Variants in MYO16 observed in about 807,000 individuals in gnomAD.
The protein encoded by MYO16 is unconventional myosin-XVI.
MYO16 carries 94 observed loss-of-function variants against 205.3 expected under a neutral mutation model. The ratio of observed to expected loss-of-function variants is 0.46; its 90% CI spans 0.39 to 0.54. The LOEUF (loss-of-function observed/expected upper bound fraction) is 0.54. MYO16 is among the 20% of genes least tolerant of loss of function. MYO16 has a pLI of 0.00. For synonymous variants in MYO16, 988 were observed against 954.0 expected (o/e 1.04, Z -0.66); for missense variants, 2,315 against 2,387.5 (o/e 0.97, Z 0.63).
intron 23 of MYO16, among the ~76,000 whole-genome samples, chr13:109,026,451 G>A (rs919385934): frequency 4.6e-5 from 7 of 152,104 alleles, no homozygotes; most frequent in South Asian, 2.1e-4. Flanking sequence ...GGATCCACCC[G>A]TTGAGCCTGG....
chr13:108,600,424 G>T (rs1353688746), intron 1 of MYO16, among the ~76,000 whole-genome samples: 1 of 152,164 alleles, frequency 6.6e-6, no homozygotes, highest in African/African-American at 2.4e-5. Context: ...ATAGTGTCCA[G>T]TACCTTGTGA....
At chr13:109,161,063 A>G (rs1878357619) in intron 32 of MYO16, among the ~76,000 whole-genome samples, 1 of 152,184 alleles carries the variant, frequency 6.6e-6, no homozygotes, top group Admixed American at 6.5e-5. Context: ...ACGTGTTTGG[A>G]TCTAACTGGG....
At chr13:108,606,684 G>C (rs1000225842) in intron 1 of MYO16, among the ~76,000 whole-genome samples, 1 of 152,148 alleles carries the variant, frequency 6.6e-6, no homozygotes, top group Non-Finnish European at 1.5e-5. Context: ...TATGGGGTTG[G>C]AGTCCCCACA....
chr13:108,786,490 T>C (rs1349797643), intron 5 of MYO16, among the ~76,000 whole-genome samples: 2 of 152,156 alleles, frequency 1.3e-5, no homozygotes, highest in Non-Finnish European at 2.9e-5. Flanking sequence ...AAAATGACCC[T>C]TGGCCAGAGA....
In MYO16 at chr13:108,726,515, C is replaced by T. The variant is rs534604428; in HGVS notation, c.364-925C>T. Among the ~76,000 whole-genome samples, 115 of 150,400 alleles carry T rather than the reference C, an allele frequency of 7.6e-4. 1 individual carries two copies. The highest frequency in any genetic ancestry group is 2.5e-3 in the African/African-American group (102 of 40,788). On this transcript the variant is annotated intron_variant, in intron 3 of 34. Coordinates refer to ENST00000457511, the MANE Select transcript of MYO16 (RefSeq NM_001198950.3). The stretch of plus-strand genomic sequence containing the variant: ...TGGAGGTTGCAGTGAGCTGAGATCG[C>T]GCCACTGCACTCCATTCTGGTGACA...
chr13:109,093,155 T>A (rs529588678), intron 27 of MYO16, among the ~76,000 whole-genome samples: 1 of 152,340 alleles, frequency 6.6e-6, no homozygotes, highest in East Asian at 1.9e-4. Context: ...ATGATAGAAC[T>A]TTTTTGAAAC....
chr13:109,169,142 A>T (rs1254344765), intron 33 of MYO16, among the ~76,000 whole-genome samples: 4 of 152,154 alleles, frequency 2.6e-5, no homozygotes, highest in Non-Finnish European at 4.4e-5. Context: ...TCTGTGTCTT[A>T]GTTATTTCAC....
At chr13:108,681,974 T>C (rs1356348065) in intron 2 of MYO16, among the ~76,000 whole-genome samples, 1 of 152,210 alleles carries the variant, frequency 6.6e-6, no homozygotes, top group Non-Finnish European at 1.5e-5. Flanking sequence ...ATCTGAGAAC[T>C]TGTTAGAAAT....
chr13:109,142,995 C>A (rs1877172701), intron 32 of MYO16, among the ~76,000 whole-genome samples: 1 of 152,064 alleles, frequency 6.6e-6, no homozygotes, highest in African/African-American at 2.4e-5. Flanking sequence ...AGTCAAGACC[C>A]TCTACTGGTA....
chr13:109,152,564 G>A (rs1877733591), intron 32 of MYO16, among the ~76,000 whole-genome samples: 1 of 152,132 alleles, frequency 6.6e-6, no homozygotes, highest in African/African-American at 2.4e-5. Context: ...TGGAGATGTG[G>A]GATCATAAAA....
chr13:109,022,888 A>AT (rs1886135392), intron 23 of MYO16, among the ~76,000 whole-genome samples: 1 of 135,504 alleles, frequency 7.4e-6, no homozygotes, highest in African/African-American at 2.7e-5. Flanking sequence ...TATTTATTAT[A>AT]TATACACATG....
intron 16 of MYO16, among the ~76,000 whole-genome samples, chr13:108,916,924 A>G (rs1881517833): frequency 6.6e-6 from 1 of 152,180 alleles, no homozygotes; most frequent in African/African-American, 2.4e-5. Context: ...TGGTAGTGTT[A>G]GATTCCCAAC....
Position 108,952,377 on chromosome 13 carries a change from G to A in MYO16, c.1926-5311G>A, listed in dbSNP as rs145127730. ...AGACACTGGGCTCAGGGGCAAGACG[G>A]GGTGTGTTGGTTCGCCAATGACTAG... On this transcript the variant is annotated intron_variant, in intron 16 of 34. Coordinates refer to ENST00000457511, the MANE Select transcript of MYO16 (RefSeq NM_001198950.3). Among the ~76,000 whole-genome samples, 400 of 152,182 alleles carry A rather than the reference G, an allele frequency of 2.6e-3. 3 individuals are homozygous for A. The highest frequency in any genetic ancestry group is 9.1e-3 in the African/African-American group (376 of 41,534).
intron 23 of MYO16, among the ~76,000 whole-genome samples, chr13:109,036,782 A>G (rs1389714861): frequency 6.6e-6 from 1 of 152,202 alleles, no homozygotes; most frequent in Non-Finnish European, 1.5e-5. Context: ...CAATCTTGAG[A>G]AGGAAAAATA....
intron 23 of MYO16, among the ~76,000 whole-genome samples, chr13:109,025,629 A>T (rs1270687634): frequency 6.6e-6 from 1 of 152,190 alleles, no homozygotes; most frequent in Non-Finnish European, 1.5e-5. Context: ...GATGATTTAC[A>T]TGATGGATAA....
rs763256590 is a variant in MYO16, at chr13:109,127,231, G to T, written c.3783-51G>T. ...GCAGGTTCCTTGTTACCGGAATAAT[G>T]CATCTGGGCCTCTCTGGCGTGGTGC... is the stretch of plus-strand genomic sequence containing the variant. On this transcript the variant is annotated intron_variant, in intron 30 of 34. Coordinates refer to ENST00000457511, the MANE Select transcript of MYO16 (RefSeq NM_001198950.3). The surrounding 1 kb of genome is among the most constrained non-coding windows in gnomAD (Gnocchi z 4.2). 3.1e-5 allele frequency: 47 copies of T among 1,512,204 alleles called. No homozygotes were observed. The highest frequency in any genetic ancestry group is 3.9e-5 in the Non-Finnish European group (44 of 1,128,840). 93.7% of individuals were successfully genotyped at this position (1,512,204 alleles called of 1,614,324 possible).
the MYO16 span, among the ~76,000 whole-genome samples, chr13:108,570,853 G>A: frequency 6.6e-6 from 1 of 152,136 alleles, no homozygotes; most frequent in Non-Finnish European, 1.5e-5. Flanking sequence ...GCTGTTTAGT[G>A]GTTCTGTAGA....
At chr13:108,783,442 G>A (rs1435511924) in intron 4 of MYO16, among the ~76,000 whole-genome samples, 2 of 152,192 alleles carry the variant, frequency 1.3e-5, no homozygotes, top group Admixed American at 6.5e-5. Context: ...CTCATAGGCA[G>A]AAGGGACTTG....
intron 2 of MYO16, among the ~76,000 whole-genome samples, chr13:108,710,089 T>TTAAGG (rs1883661218): frequency 1.3e-5 from 1 of 77,576 alleles, no homozygotes. Context: ...GGCATTCCTG[T>TTAAGG]GCAATGTTCT....
Sources: allele counts gnomAD v4.1 joint callset (sites outside exome capture counted in the v4.1 genomes callset), GRCh38; gene constraint gnomAD v4.1.1; non-coding constraint Gnocchi (gnomAD v3.1); transcripts MANE v1.5; gene names NCBI Gene and HGNC (gene_info 2026-07-23, HGNC 2026-07-21).